The following NKX1-1 variants were observed in gnomAD, a reference collection of about 807,000 sequenced individuals.
NKX1-1 encodes the protein NK1 transcription factor-related protein 1.
In NKX1-1, 7 loss-of-function variants were observed where a neutral mutation model predicts 1.7. The ratio of observed to expected loss-of-function variants is 4.22; its 90% CI spans 2.40 to 7.92. NKX1-1 has a LOEUF of 7.92. Among genes scored for constraint, NKX1-1 ranks in the 30% most tolerant of loss-of-function variants. The probability of loss-of-function intolerance (pLI) is 0.00; values close to 1 mark genes in which losing one functional copy is unlikely to be tolerated. For missense variants in NKX1-1, 453 were observed against 171.5 expected, an observed-to-expected ratio of 2.64 and a Z score of -9.17; for synonymous variants, 242 against 85.3, an observed-to-expected ratio of 2.84 and a Z score of -10.13.
At chr4:1,404,425 C>T (rs1406286853) in intron 1 of NKX1-1, among the ~76,000 whole-genome samples, 1 of 152,212 alleles carries the variant, frequency 6.6e-6, no homozygotes, top group African/African-American at 2.4e-5. Context: ...AGGCCCTGAG[C>T]TTCGGTCGCG....
Position 1,406,323 on chromosome 4 carries a change from C to G in NKX1-1, c.120G>C (p.Gly40=), listed in dbSNP as rs1372967223. The G allele has an allele frequency of 2.8e-5, 11 of 394,334 alleles. No individual in the cohort carries two copies. The highest frequency in any genetic ancestry group is 1.5e-4 in the African/African-American group (7 of 47,646). 24.4% of individuals were successfully genotyped at this position (394,334 alleles called of 1,614,324 possible). Residue 40 remains glycine (G), a synonymous_variant, in exon 1 of 2, where the codon GGG becomes GGC. Transcript: ENST00000422806. ...PAAAAQEAMD[G]RAELPAFPRA... ...GGGGAAAGGCCGGCAGCTCGGCGCG[C>G]CCGTCCATAGCTTCCTGGGCAGCGG...
rs141872547 is a variant in NKX1-1, at chr4:1,406,109, C to A, written c.334G>T (p.Ala112Ser). 3.7e-3 allele frequency: 2,156 copies of A among 579,854 alleles called. 11 individuals are homozygous for A. The highest frequency in any genetic ancestry group is 6.4e-3 in the Middle Eastern group (22 of 3,434). The allele number at this position is 579,854 out of a possible 1,614,324, so 35.9% of individuals were successfully genotyped here. A position where few individuals can be genotyped will look rare whatever the true frequency, so the allele number is the denominator to read the frequency against. Residue 112 changes from alanine (A) to serine (S), a missense_variant, in exon 1 of 2, where the codon GCC (alanine) becomes TCC (serine). Physicochemically the swap from Ala to Ser is moderately conservative, Grantham distance 99. Coordinates refer to ENST00000422806, the MANE Select transcript of NKX1-1 (RefSeq NM_001290079.1). ...LLGPVAPAACAPCASAPCAPA... is the reference protein window; with the variant it reads ...LLGPVAPAACSPCASAPCAPA... ...GCGCATGGGGCCGAAGCGCAAGGGG[C>A]GCACGCAGCGGGAGCCACTGGGCCC... is the stretch of plus-strand genomic sequence containing the variant.
rs1415425302 is a variant in NKX1-1, at chr4:1,405,811, G to A, written c.463+169C>T. On this transcript the variant is annotated intron_variant, in intron 1 of 1. Transcript: ENST00000422806. ...TGGCGATGCAGGCCCTGCAGTCCGG[G>A]TCGGATGGAGGCCACGGGTGGGCTG... is the stretch of plus-strand genomic sequence containing the variant. Among the ~76,000 whole-genome samples the A allele has an allele frequency of 3.9e-5, 6 of 152,370 alleles. No individual in the cohort carries two copies. The East Asian group carries it at 9.7e-4, about 25-fold the overall frequency.
At position 1,403,019 on chromosome 4, in the gene NKX1-1, C is replaced by T. The variant is rs1306984567; in HGVS notation, c.1260G>A (p.Pro420=). ...AGAGCACCGCCGGGCTCGACAGGAA[C>T]GGCAGCTGCGCGGCGCACACCAGGC... ...PGGLVCAAQL[P]FLSSPAVLSP... is the part of the protein sequence containing the mutation. Residue 420 remains proline (P), a synonymous_variant, in exon 2 of 2, where the codon CCG becomes CCA. Transcript: ENST00000422806. 1.6e-5 allele frequency: 10 copies of T among 627,504 alleles called. No individual in the cohort carries two copies. The Admixed American group carries it at 2.3e-4, about 15-fold the overall frequency. The allele number at this position is 627,504 out of a possible 1,614,324, so 38.9% of individuals were successfully genotyped here. A position where few individuals can be genotyped will look rare whatever the true frequency, so the allele number is the denominator to read the frequency against.
At position 1,406,342 on chromosome 4, in the gene NKX1-1, G is replaced by A; in HGVS notation, c.101C>T (p.Ala34Val). The change falls in exon 1 of 2, where the codon GCC becomes GTC. Residue 34 changes from alanine to valine, a missense_variant. Physicochemically the swap from Ala to Val is moderately conservative, Grantham distance 64. Coordinates refer to ENST00000422806, the MANE Select transcript of NKX1-1 (RefSeq NM_001290079.1). The part of the protein sequence containing the change: ...GPAPPAPAAA[A>V]QEAMDGRAEL... ...GGCGCGCCCGTCCATAGCTTCCTGGGCAGCGGCGGCGGGAGCGGGCGGTGC... is the reference window on the plus strand; with the variant it reads ...GGCGCGCCCGTCCATAGCTTCCTGGACAGCGGCGGCGGGAGCGGGCGGTGC... The A allele has an allele frequency of 5.3e-6, 2 of 377,010 alleles. No individual in the cohort carries two copies. The highest frequency in any genetic ancestry group is 9.3e-6 in the Non-Finnish European group (2 of 213,954). 23.4% of individuals were successfully genotyped at this position (377,010 alleles called of 1,614,324 possible). A position where few individuals can be genotyped will look rare whatever the true frequency, so the allele number is the denominator to read the frequency against.
Position 1,403,087 on chromosome 4 carries a change from C to A in NKX1-1, c.1192G>T (p.Gly398Cys). ...SPSPPMGAPL[G>C]MHGPAGYPAH... ...GGGTACCCGGCCGGGCCGTGCATGC[C>A]GAGCGGGGCGCCCATGGGCGGCGAG... Residue 398 changes from glycine to cysteine, a missense_variant, in exon 2 of 2, where the codon GGC becomes TGC. Coordinates refer to ENST00000422806, the MANE Select transcript of NKX1-1 (RefSeq NM_001290079.1). The A allele has an allele frequency of 2.2e-6, 1 of 449,250 alleles. No homozygotes were observed. Among genetic ancestry groups the A allele is most frequent in the Non-Finnish European group, 3.9e-6 (1 of 257,666 alleles). The allele number at this position is 449,250 out of a possible 1,614,324, so 27.8% of individuals were successfully genotyped here. A position where few individuals can be genotyped will look rare whatever the true frequency, so the allele number is the denominator to read the frequency against.
Position 1,406,014 on chromosome 4 carries a change from G to A in NKX1-1, c.429C>T (p.Ala143=). ...EELERRALAG[A]GGVGAAGAEP... is the part of the protein sequence containing the mutation. ...CAGCTCCGGCGGCTCCGACTCCCCCGGCGCCGGCGAGGGCGCGGCGCTCCA... is the reference window on the plus strand; with the variant it reads ...CAGCTCCGGCGGCTCCGACTCCCCCAGCGCCGGCGAGGGCGCGGCGCTCCA... The change falls in exon 1 of 2, where the codon GCC becomes GCT. Residue 143 remains alanine (A), a synonymous_variant. Transcript: ENST00000422806. The A allele has an allele frequency of 2.1e-6, 1 of 475,102 alleles. No individual in the cohort carries two copies. The highest frequency in any genetic ancestry group is 2.0e-5 in the African/African-American group (1 of 49,078). 29.4% of individuals were successfully genotyped at this position (475,102 alleles called of 1,614,324 possible). A position where few individuals can be genotyped will look rare whatever the true frequency, so the allele number is the denominator to read the frequency against.
chr4:1,404,863 A>C (rs914946729), intron 1 of NKX1-1, among the ~76,000 whole-genome samples: 1 of 152,236 alleles, frequency 6.6e-6, no homozygotes, highest in East Asian at 1.9e-4. Context: ...GGAGGCCAGC[A>C]GGTGGTCTGG....
Position 1,406,083 on chromosome 4 carries a change from G to C in NKX1-1, c.360C>G (p.Ala120=), listed in dbSNP as rs532998243. ...ACAPCASAPC[A]PAPAASGRPP... ...GGCGTCCCGAGGCGGCGGGTGCAGG[G>C]GCGCATGGGGCCGAAGCGCAAGGGG... is the stretch of plus-strand genomic sequence containing the variant. Residue 120 remains alanine (A), a synonymous_variant, in exon 1 of 2, where the codon GCC becomes GCG. Transcript: ENST00000422806. The C allele has an allele frequency of 1.0e-3, 536 of 534,902 alleles. 3 individuals carry two copies. Among genetic ancestry groups the C allele is most frequent in the African/African-American group, 9.9e-3 (496 of 49,932 alleles). 33.1% of individuals were successfully genotyped at this position (534,902 alleles called of 1,614,324 possible).
chr4:1,406,384 T>C lies in NKX1-1; in HGVS notation c.59A>G (p.Gln20Arg), dbSNP rs72613115. The C allele has an allele frequency of 0.69, 243,764 of 354,864 alleles. 84,135 individuals are homozygous for C. The highest frequency in any genetic ancestry group is 0.77 in the Admixed American group (16,292 of 21,078). The allele number at this position is 354,864 out of a possible 1,614,324, so 22.0% of individuals were successfully genotyped here. ...GGGCGGTGCGGGCCCCGAACCTGGC[T>C]GGGGAGGCGGCGGTAGCGCGGGAAT... ...GDIPALPPPP[Q>R]PGSGPAPPAP... The change falls in exon 1 of 2, where the codon CAG becomes CGG. Residue 20 changes from glutamine (Q) to arginine (R), a missense_variant. By Grantham distance (43) the Gln-to-Arg change is conservative (BLOSUM62 1). Coordinates refer to ENST00000422806, the MANE Select transcript of NKX1-1 (RefSeq NM_001290079.1).
Position 1,405,830 on chromosome 4 carries a change from T to A in NKX1-1, c.463+150A>T, listed in dbSNP as rs539034771. On this transcript the variant is annotated intron_variant, in intron 1 of 1. Coordinates refer to ENST00000422806, the MANE Select transcript of NKX1-1 (RefSeq NM_001290079.1). ...GTCCGGGTCGGATGGAGGCCACGGG[T>A]GGGCTGGTGCGGACCCGGCGCTCAG... 638 of 394,452 alleles carry A rather than the reference T, an allele frequency of 1.6e-3. 19 individuals carry two copies. In the South Asian group the frequency reaches 0.067, roughly 41 times the overall value. The allele number at this position is 394,452 out of a possible 1,614,324, so 24.4% of individuals were successfully genotyped here.
rs758494888 is a variant in NKX1-1 at position 1,403,484 on chromosome 4, C to T, written c.795G>A (p.Ala265=). ...GCGGGGTGGTCCCCGCGCCCCCCGG[C>T]GCCGCTGCACCTCCCGGTGGGCCCT... is the stretch of plus-strand genomic sequence containing the variant. ...VAQGPPGGAA[A]PGGAGTTPQG... Residue 265 remains alanine (A), a synonymous_variant, in exon 2 of 2, where the codon GCG becomes GCA. Transcript: ENST00000422806. 1.5e-5 allele frequency: 8 copies of T among 549,910 alleles called. No individual in the cohort carries two copies. The South Asian group carries it at 1.8e-4, about 12-fold the overall frequency. The allele number at this position is 549,910 out of a possible 1,614,324, so 34.1% of individuals were successfully genotyped here.
Position 1,403,508 on chromosome 4 carries a change from C to T in NKX1-1, c.771G>A (p.Gln257=). 3.9e-6 allele frequency: 2 copies of T among 507,098 alleles called. No individual in the cohort carries two copies. The highest frequency in any genetic ancestry group is 6.9e-6 in the Non-Finnish European group (2 of 291,020). The allele number at this position is 507,098 out of a possible 1,614,324, so 31.4% of individuals were successfully genotyped here. A position where few individuals can be genotyped will look rare whatever the true frequency, so the allele number is the denominator to read the frequency against. ...PGPRENSPVA[Q]GPPGGAAAPG... Reference sequence around the variant, plus strand: ...GCGCCGCTGCACCTCCCGGTGGGCCCTGGGCAACGGGCGAGTTCTCGCGGG... The same window carrying T: ...GCGCCGCTGCACCTCCCGGTGGGCCTTGGGCAACGGGCGAGTTCTCGCGGG... Residue 257 remains glutamine, a synonymous_variant, in exon 2 of 2, where the codon CAG becomes CAA. Transcript: ENST00000422806.
At position 1,403,820 on chromosome 4, in the gene NKX1-1, G is replaced by A. The variant is rs1448713541; in HGVS notation, c.464-5C>T. On this transcript the variant is annotated splice_region_variant and splice_polypyrimidine_tract_variant and intron_variant, in intron 1 of 1. Coordinates refer to ENST00000422806, the MANE Select transcript of NKX1-1 (RefSeq NM_001290079.1). ...CCTTGAAGGGGTCGCCGGCGTCTGC[G>A]GGAGGGAGGGACAAGGACAGGGCAG... The A allele has an allele frequency of 7.5e-6, 5 of 663,024 alleles. No individual in the cohort carries two copies. Among genetic ancestry groups the A allele is most frequent in the Non-Finnish European group, 1.4e-5 (5 of 367,372 alleles). The allele number at this position is 663,024 out of a possible 1,614,324, so 41.1% of individuals were successfully genotyped here.
At position 1,406,323 on chromosome 4, in the gene NKX1-1, C is replaced by A; in HGVS notation, c.120G>T (p.Gly40=). Residue 40 remains glycine (G), a synonymous_variant, in exon 1 of 2, where the codon GGG becomes GGT. Coordinates refer to ENST00000422806, the MANE Select transcript of NKX1-1 (RefSeq NM_001290079.1). ...GGGGAAAGGCCGGCAGCTCGGCGCG[C>A]CCGTCCATAGCTTCCTGGGCAGCGG... ...PAAAAQEAMD[G]RAELPAFPRA... is the part of the protein sequence containing the mutation. 1 of 394,334 alleles carries A rather than the reference C, an allele frequency of 2.5e-6. No homozygotes were observed. Among genetic ancestry groups the A allele is most frequent in the Non-Finnish European group, 4.4e-6 (1 of 225,966 alleles). The allele number at this position is 394,334 out of a possible 1,614,324, so 24.4% of individuals were successfully genotyped here. A position where few individuals can be genotyped will look rare whatever the true frequency, so the allele number is the denominator to read the frequency against.
At position 1,403,441 on chromosome 4, in the gene NKX1-1, C is replaced by A; in HGVS notation, c.838G>T (p.Ala280Ser). 1.6e-6 allele frequency: 1 copy of A among 638,184 alleles called. No individual in the cohort carries two copies. Among genetic ancestry groups the A allele is most frequent in the South Asian group, 1.6e-5 (1 of 60,744 alleles). 39.5% of individuals were successfully genotyped at this position (638,184 alleles called of 1,614,324 possible). The part of the protein sequence containing the change: ...GTTPQGTATA[A>S]KPKRKRTGSD... ...CCCGTGCGCTTCCGCTTGGGCTTCG[C>A]CGCCGTCGCCGTGCCCTGCGGGGTG... The change falls in exon 2 of 2, where the codon GCG becomes TCG. Residue 280 changes from alanine (A) to serine (S), a missense_variant. Physicochemically the swap from Ala to Ser is moderately conservative, Grantham distance 99. Transcript: ENST00000422806.
chr4:1,405,518 A>G (rs1560506186), intron 1 of NKX1-1, among the ~76,000 whole-genome samples: 1 of 150,064 alleles, frequency 6.7e-6, no homozygotes, highest in Non-Finnish European at 1.5e-5. Context: ...AAGGGATTTA[A>G]TTGTTTTTCC....
At chr4:1,405,457 C>A (rs1720733039) in intron 1 of NKX1-1, among the ~76,000 whole-genome samples, 1 of 152,250 alleles carries the variant, frequency 6.6e-6, no homozygotes, top group African/African-American at 2.4e-5. Context: ...CGGGCCGCCC[C>A]ATTACCGGCC....
chr4:1,404,266 A>G (rs988027001), intron 1 of NKX1-1, among the ~76,000 whole-genome samples: 7 of 152,242 alleles, frequency 4.6e-5, no homozygotes, highest in Non-Finnish European at 7.3e-5. Flanking sequence ...ATTTCGGCGT[A>G]TATTACCCCC....
Sources: gnomAD v4.1 joint callset for allele counts (sites outside exome capture counted in the v4.1 genomes callset) on GRCh38, gnomAD v4.1.1 for gene constraint, MANE v1.5 for transcripts, NCBI Gene and HGNC (gene_info 2026-07-23, HGNC 2026-07-21) for gene names.